Variants in NR2F1-AS1 observed in about 807,000 individuals in gnomAD.
NR2F1-AS1 encodes NR2F1 antisense RNA 1.
chr5:93,469,391 T>C (rs926713040), intron 4 of NR2F1-AS1, among the ~76,000 whole-genome samples: 44 of 152,232 alleles, frequency 2.9e-4, no homozygotes, highest in African/African-American at 1.0e-3. Context: ...TATTATAATC[T>C]TATGGGACCA....
chr5:93,542,130 A>G (rs1751964071), intron 4 of NR2F1-AS1: 1 of 148,188 alleles, frequency 6.7e-6, no homozygotes, highest in East Asian at 2.0e-4. Context: ...AGGGTAAAAC[A>G]TACTAGATGA....
chr5:93,427,021 G>C (rs1749209997), intron 4 of NR2F1-AS1, among the ~76,000 whole-genome samples: 1 of 152,106 alleles, frequency 6.6e-6, no homozygotes, highest in African/African-American at 2.4e-5. Flanking sequence ...AGTATACCTA[G>C]ACAAGACTAC....
intron 4 of NR2F1-AS1, among the ~76,000 whole-genome samples, chr5:93,460,965 C>T (rs1003072789): frequency 2.0e-5 from 3 of 152,176 alleles, no homozygotes; most frequent in Admixed American, 6.5e-5. Context: ...CCATTCAACC[C>T]AGCAGTCCCA....
At chr5:93,459,355 C>T (rs1259383084) in intron 4 of NR2F1-AS1, among the ~76,000 whole-genome samples, 1 of 151,958 alleles carries the variant, frequency 6.6e-6, no homozygotes, top group Non-Finnish European at 1.5e-5. Context: ...TAGAAAAATG[C>T]CAATTAAAAC....
rs567501404 is a variant in NR2F1-AS1 at position 93,510,247 on chromosome 5, G to A, written n.638+43514C>T. On this transcript the variant is annotated intron_variant and non_coding_transcript_variant, in intron 4 of 5. Transcript: ENST00000660523. Reference sequence around the variant, plus strand: ...TCTATTTATCTAGGTTTCCTCATTCGTACAGGCTGAACTAAAGAGTCTCTG... The same window carrying A: ...TCTATTTATCTAGGTTTCCTCATTCATACAGGCTGAACTAAAGAGTCTCTG... Among the ~76,000 whole-genome samples the A allele has an allele frequency of 2.8e-4, 42 of 152,080 alleles. No homozygotes were observed. In the South Asian group the frequency reaches 7.5e-3, roughly 27 times the overall value.
chr5:93,472,634 G>A (rs1750392112), intron 4 of NR2F1-AS1, among the ~76,000 whole-genome samples: 2 of 151,582 alleles, frequency 1.3e-5, no homozygotes, highest in African/African-American at 4.8e-5. Flanking sequence ...GGTTGTTTTT[G>A]GGGGTGAAGA....
chr5:93,514,260 C>T (rs905575445), intron 4 of NR2F1-AS1, among the ~76,000 whole-genome samples: 2 of 152,076 alleles, frequency 1.3e-5, no homozygotes, highest in African/African-American at 2.4e-5. Flanking sequence ...GCTGCATACT[C>T]CATTCCAACT....
chr5:93,413,106 G>GTA (rs1384144684), intron 4 of NR2F1-AS1, among the ~76,000 whole-genome samples: 1 of 137,428 alleles, frequency 7.3e-6, no homozygotes, highest in African/African-American at 2.8e-5. Flanking sequence ...GTGTGTGTGT[G>GTA]TATGCAATTA....
intron 1 of NR2F1-AS1, chr5:93,571,187 GC>G (rs1752758041): frequency 6.6e-6 from 1 of 152,024 alleles, no homozygotes; most frequent in African/African-American, 2.4e-5. Flanking sequence ...AAGGCCTGGG[GC>G]CTTCAGGAAA....
At chr5:93,437,361 G>A (rs535124746) in intron 4 of NR2F1-AS1, among the ~76,000 whole-genome samples, 1 of 152,172 alleles carries the variant, frequency 6.6e-6, no homozygotes, top group South Asian at 2.1e-4. Context: ...ACAATATTTC[G>A]ATATATTGGG....
At chr5:93,479,801 C>G (rs1419522225) in intron 4 of NR2F1-AS1, among the ~76,000 whole-genome samples, 1 of 151,212 alleles carries the variant, frequency 6.6e-6, no homozygotes, top group Non-Finnish European at 1.5e-5. Context: ...ATTAGGCAAA[C>G]TATATATAAA....
intron 4 of NR2F1-AS1, among the ~76,000 whole-genome samples, chr5:93,450,695 T>A (rs966550304): frequency 6.6e-6 from 1 of 151,902 alleles, no homozygotes; most frequent in East Asian, 1.9e-4. Context: ...GAGTGGAAAA[T>A]GCTGAGTTAA....
At chr5:93,492,460 C>A (rs1391799490) in intron 4 of NR2F1-AS1, among the ~76,000 whole-genome samples, 1 of 151,890 alleles carries the variant, frequency 6.6e-6, no homozygotes, top group Non-Finnish European at 1.5e-5. Flanking sequence ...TAAATTCTAC[C>A]AAACACTAAA....
At chr5:93,530,157 C>T (rs929538587) in intron 4 of NR2F1-AS1, among the ~76,000 whole-genome samples, 7 of 149,838 alleles carry the variant, frequency 4.7e-5, no homozygotes, top group African/African-American at 9.9e-5. Context: ...CTCAACTCAC[C>T]GCAACCTCCA....
chr5:93,484,135 A>G (rs1750664634), intron 4 of NR2F1-AS1, among the ~76,000 whole-genome samples: 1 of 152,206 alleles, frequency 6.6e-6, no homozygotes, highest in African/African-American at 2.4e-5. Context: ...GAGCAACCCC[A>G]AGACACATAA....
rs181826574 is a variant in NR2F1-AS1 at position 93,473,336 on chromosome 5, C to T, written n.639-77794G>A. On this transcript the variant is annotated intron_variant and non_coding_transcript_variant, in intron 4 of 5. Transcript: ENST00000660523. ...GCCAATATATTCTGTTGATCTTTAG[C>T]GATAGAATAAATTAATTCTAAAATA... Among the ~76,000 whole-genome samples the T allele has an allele frequency of 6.7e-4, 101 of 151,838 alleles. 1 individual carries two copies. The highest frequency in any genetic ancestry group is 2.4e-3 in the African/African-American group (99 of 41,470).
intron 4 of NR2F1-AS1, among the ~76,000 whole-genome samples, chr5:93,512,446 T>C (rs184103027): frequency 9.8e-5 from 15 of 152,300 alleles, no homozygotes; most frequent in Admixed American, 8.5e-4. Context: ...CGTTAATTTA[T>C]CAACTTTATT....
At position 93,465,052 on chromosome 5, in the gene NR2F1-AS1, T is replaced by G. The variant is rs193054708; in HGVS notation, n.639-69510A>C. ...TTCTCCTGACACCTTGCAGCTTTGC[T>G]GCAAAAGCCAAAATAGAAAAATGGG... On this transcript the variant is annotated intron_variant and non_coding_transcript_variant, in intron 4 of 5. Transcript: ENST00000660523. Among the ~76,000 whole-genome samples the G allele has an allele frequency of 4.3e-3, 648 of 152,198 alleles. 1 individual carries two copies. The highest frequency in any genetic ancestry group is 7.1e-3 in the Non-Finnish European group (480 of 67,954).
intron 4 of NR2F1-AS1, among the ~76,000 whole-genome samples, chr5:93,438,997 G>C (rs542350139): frequency 1.3e-5 from 2 of 152,260 alleles, no homozygotes; most frequent in South Asian, 4.2e-4. Flanking sequence ...ATATATCAAA[G>C]CATCATGTTG....
Sources: allele counts gnomAD v4.1 joint callset (sites outside exome capture counted in the v4.1 genomes callset), GRCh38; gene constraint gnomAD v4.1.1; transcripts MANE v1.5; gene names NCBI Gene and HGNC (gene_info 2026-07-23, HGNC 2026-07-21).